Variants in NLRP1 observed in about 807,000 individuals in gnomAD.
The protein encoded by NLRP1 is NLR family pyrin domain containing 1.
Under a neutral mutation model 136.7 loss-of-function variants are expected in NLRP1, and 94 were observed. That is an observed-to-expected ratio of 0.69 (90% CI 0.58 to 0.82). The LOEUF is 0.82. NLRP1 is among the 40% of genes least tolerant of loss of function. The probability of loss-of-function intolerance (pLI) is 0.00; values close to 1 mark genes in which losing one functional copy is unlikely to be tolerated. For missense variants in NLRP1, 1,575 were observed against 1,802.7 expected, an observed-to-expected ratio of 0.87 and a Z score of 2.29; for synonymous variants, 690 against 725.1, an observed-to-expected ratio of 0.95 and a Z score of 0.78.
chr17:5,540,706 G>A (rs559696329), intron 6 of NLRP1, among the ~76,000 whole-genome samples: 1 of 152,116 alleles, frequency 6.6e-6, no homozygotes, highest in South Asian at 2.1e-4. Flanking sequence ...CTTCCTAGCC[G>A]ACCAGGGATC....
chr17:5,559,114 T>C lies in NLRP1; in HGVS notation c.1582A>G (p.Thr528Ala), dbSNP rs2151802436. The change falls in exon 4 of 17, where the codon ACT becomes GCT. Residue 528 changes from threonine (T) to alanine (A), a missense_variant. Transcript: ENST00000572272. ...CGCTTCATCTGCTGCATCAGGCAAG[T>C]GCAGGCCAGCCAGGACACCCAGGGC... ...LVPWVSWLAC[T>A]CLMQQMKRKE... The C allele has an allele frequency of 6.2e-7, 1 of 1,614,188 alleles. No individual in the cohort carries two copies. The highest frequency in any genetic ancestry group is 1.1e-5 in the South Asian group (1 of 91,084).
At chr17:5,570,859 TC>T (rs546161111) in intron 3 of NLRP1, among the ~76,000 whole-genome samples, 17 of 152,236 alleles carry the variant, frequency 1.1e-4, no homozygotes, top group African/African-American at 4.1e-4. Flanking sequence ...GCAAAAATCT[TC>T]AGCAAAATAC....
chr17:5,517,991 G>A, intron 14 of NLRP1, 104 bp from the exon 15 acceptor site: 1 of 1,046,394 alleles, frequency 9.6e-7, no homozygotes. Flanking sequence ...AGGACACTCT[G>A]ATGATCCCTG....
chr17:5,539,482 C>T lies in NLRP1; in HGVS notation c.2803G>A (p.Asp935Asn), dbSNP rs200875871. ...KELDLQQNNLDDVGVRLLCEG... is the reference protein window; with the variant it reads ...KELDLQQNNLNDVGVRLLCEG... ...CAGAGCAGTCGCACGCCAACGTCAT[C>T]CAGGTTGTTCTGCTGCAGGTCTAGC... Residue 935 changes from aspartate to asparagine, a missense_variant, in exon 7 of 17, where the codon GAT (aspartate) becomes AAT (asparagine). Transcript: ENST00000572272. 2.5e-5 allele frequency: 41 copies of T among 1,614,080 alleles called. No homozygotes were observed. The highest frequency in any genetic ancestry group is 3.1e-5 in the Non-Finnish European group (36 of 1,180,040).
intron 13 of NLRP1, 79 bp downstream of exon 13, chr17:5,521,445 C>A: frequency 6.7e-7 from 1 of 1,483,518 alleles, no homozygotes; most frequent in South Asian, 1.3e-5. Flanking sequence ...AGTTGAAGAC[C>A]CTCTAGGGGG....
rs61194384 is a variant in NLRP1 at position 5,561,426 on chromosome 17, G to GTTTTTTTTT, written c.653-1392_653-1384dup. Among the ~76,000 whole-genome samples the GTTTTTTTTT allele has an allele frequency of 1.8e-3, 91 of 50,402 alleles. 5 individuals are homozygous for GTTTTTTTTT. The highest frequency in any genetic ancestry group is 7.4e-3 in the African/African-American group (80 of 10,808). The allele number at this position is 50,402 out of a possible 152,430, so 33.1% of individuals were successfully genotyped here. A position where few individuals can be genotyped will look rare whatever the true frequency, so the allele number is the denominator to read the frequency against. ...GATAGATCAAAAAGCATGCCATGTG[G>GTTTTTTTTT]TTTTTTTTTTTTTTTTTTTTTTTTT... On this transcript the variant is annotated intron_variant, in intron 3 of 16. Transcript: ENST00000572272.
chr17:5,535,602 G>A (rs1751299914), intron 8 of NLRP1, among the ~76,000 whole-genome samples: 1 of 152,200 alleles, frequency 6.6e-6, no homozygotes, highest in Admixed American at 6.5e-5. Context: ...TCTCCCTGCT[G>A]GACTAAGCTC....
At position 5,539,573 on chromosome 17, in the gene NLRP1, A is replaced by T; in HGVS notation, c.2712T>A (p.Cys904Ter). Residue 904 changes from cysteine to a stop codon, truncating the protein, a stop_gained, in exon 7 of 17, where the codon TGT (cysteine) becomes TGA (stop). Coordinates refer to ENST00000572272, the MANE Select transcript of NLRP1 (RefSeq NM_033004.4). LOFTEE classifies it high-confidence loss of function. ...CCTGGCAGCAGTCAGACGTGAGGCC[A>T]CAGCTGACCAGCCTGCAGGAAAGAT... The part of the protein sequence containing the change: ...CKLQRLQLVS[C>*]GLTSDCCQDL... 1 of 1,610,442 alleles carries T rather than the reference A, an allele frequency of 6.2e-7. No homozygotes were observed.
chr17:5,543,984 G>C (rs1358639040), intron 5 of NLRP1, among the ~76,000 whole-genome samples: 1 of 152,114 alleles, frequency 6.6e-6, no homozygotes, highest in Non-Finnish European at 1.5e-5. Flanking sequence ...CTAGATTGGG[G>C]GGGTTAATGC....
chr17:5,507,787 C>T (rs919125006), intron 15 of NLRP1, among the ~76,000 whole-genome samples: 13 of 151,026 alleles, frequency 8.6e-5, no homozygotes, highest in Non-Finnish European at 1.5e-4. Flanking sequence ...GCCGAGATTG[C>T]GCCACTGCAC....
rs2151832081 is a variant in NLRP1, at chr17:5,583,105, ACTC to A, written c.272-262_272-260del. ...TGACTATCTCCCTGTGTAAATCACT[ACTC>A]CTACTGAGCCTCAGCTGTGCTTTAT... On this transcript the variant is annotated intron_variant, in intron 1 of 16. Transcript: ENST00000572272. This position sits in a 1 kb window ranked among gnomAD's most constrained non-coding sequence, Gnocchi z 4.5. 6.6e-6 allele frequency among the ~76,000 whole-genome samples: 1 copy of A among 151,762 alleles called. No individual in the cohort carries two copies. Among genetic ancestry groups the A allele is most frequent in the Admixed American group, 6.6e-5 (1 of 15,264 alleles).
intron 8 of NLRP1, among the ~76,000 whole-genome samples, chr17:5,534,947 C>T (rs1910839835): frequency 6.6e-6 from 1 of 152,166 alleles, no homozygotes; most frequent in African/African-American, 2.4e-5. Context: ...TTCAGCCGGG[C>T]GCGGTGGCTC....
chr17:5,580,695 T>C (rs756275214), intron 3 of NLRP1, among the ~76,000 whole-genome samples: 2 of 152,234 alleles, frequency 1.3e-5, no homozygotes, highest in Admixed American at 1.3e-4. Flanking sequence ...ATGGCTCTGA[T>C]ATGTCTTTAT....
chr17:5,539,462 C>T lies in NLRP1; in HGVS notation c.2823G>A (p.Leu941=). The change falls in exon 7 of 17, where the codon CTG becomes CTA. Residue 941 remains leucine, a synonymous_variant. Coordinates refer to ENST00000572272, the MANE Select transcript of NLRP1 (RefSeq NM_033004.4). ...CAGGATGCCTGAGCCCCTCACAGAG[C>T]AGTCGCACGCCAACGTCATCCAGGT... ...QNNLDDVGVR[L]LCEGLRHPAC... is the part of the protein sequence containing the mutation. 1 of 1,614,090 alleles carries T rather than the reference C, an allele frequency of 6.2e-7. No homozygotes were observed.
At chr17:5,517,491 G>A (rs1316419893) in intron 15 of NLRP1, among the ~76,000 whole-genome samples, 2 of 152,002 alleles carry the variant, frequency 1.3e-5, no homozygotes, top group Non-Finnish European at 1.5e-5. Flanking sequence ...GGGTTCAAGC[G>A]ATTCTTCTGC....
At chr17:5,550,340 A>G (rs1448018318) in intron 5 of NLRP1, among the ~76,000 whole-genome samples, 1 of 152,226 alleles carries the variant, frequency 6.6e-6, no homozygotes, top group Non-Finnish European at 1.5e-5. Context: ...TTTGTTTCAT[A>G]GAAAGTTTTT....
chr17:5,523,965 C>T (rs957209539), intron 12 of NLRP1, among the ~76,000 whole-genome samples: 1 of 152,168 alleles, frequency 6.6e-6, no homozygotes, highest in Non-Finnish European at 1.5e-5. Flanking sequence ...GCTCTGTCAC[C>T]GAGGCTGGAG....
At chr17:5,568,823 A>G (rs920170747) in intron 3 of NLRP1, among the ~76,000 whole-genome samples, 1 of 152,210 alleles carries the variant, frequency 6.6e-6, no homozygotes, top group African/African-American at 2.4e-5. Context: ...TAATAGTCTT[A>G]GACAAAATCT....
At chr17:5,505,590 C>T (rs922499139) in intron 15 of NLRP1, 29 of 152,334 alleles carry the variant, frequency 1.9e-4, no homozygotes, top group African/African-American at 7.0e-4. Context: ...TTAAGAGTTT[C>T]AAGGCACTGA....
Sources: gnomAD v4.1 joint callset for allele counts (sites outside exome capture counted in the v4.1 genomes callset) on GRCh38, gnomAD v4.1.1 for gene constraint, Gnocchi (gnomAD v3.1) non-coding constraint, MANE v1.5 for transcripts, NCBI Gene and HGNC (gene_info 2026-07-23, HGNC 2026-07-21) for gene names.